ROBO1: variants seen among roughly 807,000 people sequenced by gnomAD.
The protein encoded by ROBO1 is roundabout guidance receptor 1.
A neutral mutation model predicts 195.9 loss-of-function variants in ROBO1; 149 were observed. That is an observed-to-expected ratio of 0.76 (90% CI 0.67 to 0.87). ROBO1 has a LOEUF of 0.87. Among genes scored for constraint, ROBO1 ranks in the 40% least tolerant of loss-of-function variants. The pLI, the probability that ROBO1 is intolerant of heterozygous loss-of-function variation, is 0.00. For synonymous variants in ROBO1, 816 were observed against 733.2 expected, an observed-to-expected ratio of 1.11 and a Z score of -1.82; for missense variants, 1,933 against 2,068.3, an observed-to-expected ratio of 0.93 and a Z score of 1.27.
At chr3:79,345,419 C>T (rs2035072747) in intron 2 of ROBO1, among the ~76,000 whole-genome samples, 1 of 152,002 alleles carries the variant, frequency 6.6e-6, no homozygotes. Flanking sequence ...GGCCAGTCTC[C>T]CTTTTTTATA....
chr3:79,462,174 C>T (rs1338858502), intron 2 of ROBO1, among the ~76,000 whole-genome samples: 1 of 152,008 alleles, frequency 6.6e-6, no homozygotes, highest in Non-Finnish European at 1.5e-5. Flanking sequence ...GATGAGAACC[C>T]TCATTCACCT....
chr3:78,821,538 G>A (rs1334695052), intron 4 of ROBO1, among the ~76,000 whole-genome samples: 1 of 151,956 alleles, frequency 6.6e-6, no homozygotes, highest in African/African-American at 2.4e-5. Context: ...TATCCTTAGC[G>A]ATTCATTTTT....
chr3:79,087,390 G>A (rs2079390485), intron 3 of ROBO1, among the ~76,000 whole-genome samples: 1 of 152,020 alleles, frequency 6.6e-6, no homozygotes, highest in African/African-American at 2.4e-5. Flanking sequence ...AATAGAGGCA[G>A]GTTTCCAAAC....
intron 1 of ROBO1, among the ~76,000 whole-genome samples, chr3:79,663,751 G>T (rs2106847215): frequency 6.6e-6 from 1 of 152,092 alleles, no homozygotes; most frequent in African/African-American, 2.4e-5. Context: ...TCATTTTTTA[G>T]ATAATGACAT....
chr3:78,705,494 A>C (rs2081528383), intron 8 of ROBO1, among the ~76,000 whole-genome samples: 1 of 152,210 alleles, frequency 6.6e-6, no homozygotes, highest in South Asian at 2.1e-4. Context: ...AGGATTCAAC[A>C]ACTGGTGTGT....
chr3:79,624,790 C>T (rs1310609979), intron 1 of ROBO1, among the ~76,000 whole-genome samples: 1 of 152,026 alleles, frequency 6.6e-6, no homozygotes, highest in East Asian at 1.9e-4. Flanking sequence ...GACAGATCAA[C>T]AAGACAGAAA....
At chr3:79,570,745 G>A (rs1943252656) in intron 2 of ROBO1, among the ~76,000 whole-genome samples, 1 of 152,040 alleles carries the variant, frequency 6.6e-6, no homozygotes, top group Non-Finnish European at 1.5e-5. Flanking sequence ...ACACTTTTCA[G>A]TATTAACTTA....
intron 2 of ROBO1, among the ~76,000 whole-genome samples, chr3:79,268,713 T>C (rs1443923288): frequency 2.0e-5 from 3 of 151,690 alleles, no homozygotes; most frequent in Non-Finnish European, 3.0e-5. Flanking sequence ...ATATGAGTAA[T>C]ACCTTGGTTC....
At chr3:79,289,532 T>C (rs2032104152) in intron 2 of ROBO1, among the ~76,000 whole-genome samples, 1 of 152,194 alleles carries the variant, frequency 6.6e-6, no homozygotes, top group Admixed American at 6.5e-5. Flanking sequence ...TCCCTCTTGG[T>C]ATTAAGGCAC....
chr3:79,515,378 G>C (rs996305715), intron 2 of ROBO1, among the ~76,000 whole-genome samples: 1 of 152,198 alleles, frequency 6.6e-6, no homozygotes, highest in African/African-American at 2.4e-5. Context: ...ATTCCAGATA[G>C]AAGATAAGAA....
chr3:79,553,661 T>C (rs1576014270), intron 2 of ROBO1, among the ~76,000 whole-genome samples: 1 of 152,080 alleles, frequency 6.6e-6, no homozygotes, highest in Admixed American at 6.6e-5. Context: ...AAAGTAAACA[T>C]TATTGGAAAT....
chr3:78,952,041 T>C (rs1458791959), intron 3 of ROBO1, among the ~76,000 whole-genome samples: 2 of 151,716 alleles, frequency 1.3e-5, no homozygotes, highest in African/African-American at 4.8e-5. Context: ...ATTTACCTTA[T>C]GGTTTTGTTT....
chr3:79,167,873 A>T (rs1559707905), intron 2 of ROBO1, among the ~76,000 whole-genome samples: 1 of 152,196 alleles, frequency 6.6e-6, no homozygotes, highest in South Asian at 2.1e-4. Context: ...TAAAATGGAG[A>T]TACAAATAGC....
At chr3:79,661,341 A>G (rs146487375) in intron 1 of ROBO1, among the ~76,000 whole-genome samples, 10 of 152,194 alleles carry the variant, frequency 6.6e-5, no homozygotes, top group African/African-American at 2.4e-4. Flanking sequence ...AGCAACTTGC[A>G]TGCCTATTCT....
At chr3:79,092,035 C>A (rs529670134) in intron 3 of ROBO1, among the ~76,000 whole-genome samples, 11 of 152,120 alleles carry the variant, frequency 7.2e-5, no homozygotes, top group African/African-American at 2.7e-4. Flanking sequence ...CTGTAGGGGG[C>A]AAATGCCAAT....
At chr3:78,638,562 T>A (rs888743002) in intron 22 of ROBO1, among the ~76,000 whole-genome samples, 2 of 152,150 alleles carry the variant, frequency 1.3e-5, no homozygotes, top group African/African-American at 4.8e-5. Context: ...TGATTAAAGA[T>A]TATTTAATTA....
chr3:78,855,426 A>G (rs977298645), intron 4 of ROBO1, among the ~76,000 whole-genome samples: 1 of 152,202 alleles, frequency 6.6e-6, no homozygotes, highest in African/African-American at 2.4e-5. Flanking sequence ...GAGCCTGGGC[A>G]ACTGTAAATT....
chr3:79,762,973 T>G (rs1213214636), intron 1 of ROBO1, among the ~76,000 whole-genome samples: 1 of 152,126 alleles, frequency 6.6e-6, no homozygotes, highest in Non-Finnish European at 1.5e-5. Context: ...CAAAGAGGAA[T>G]GTGTCTTGAT....
intron 2 of ROBO1, among the ~76,000 whole-genome samples, chr3:79,182,542 GGTGTGTGTGT>G (rs71127377): frequency 1.3e-5 from 2 of 148,446 alleles, no homozygotes; most frequent in Admixed American, 6.7e-5. Flanking sequence ...CTGGGGCACA[GGTGTGTGTGT>G]GTGTGTGTGT....
Sources: allele counts gnomAD v4.1 joint callset (sites outside exome capture counted in the v4.1 genomes callset), GRCh38; gene constraint gnomAD v4.1.1; transcripts MANE v1.5; gene names NCBI Gene and HGNC (gene_info 2026-07-23, HGNC 2026-07-21).